DOCK3: variants seen among roughly 807,000 people sequenced by gnomAD.
DOCK3 encodes the protein dedicator of cytokinesis protein 3.
DOCK3 carries 60 observed loss-of-function variants against 265.6 expected under a neutral mutation model. The ratio of observed to expected loss-of-function variants is 0.23; its 90% CI spans 0.18 to 0.28. The LOEUF (loss-of-function observed/expected upper bound fraction) is 0.28, where lower values mean the gene tolerates loss of function less well. Ranked by LOEUF, DOCK3 falls within the 10% of genes least tolerant of loss-of-function variation. The probability of loss-of-function intolerance (pLI) is 1.00; values close to 1 mark genes in which losing one functional copy is unlikely to be tolerated. For synonymous variants in DOCK3, 881 were observed against 938.0 expected, an observed-to-expected ratio of 0.94 and a Z score of 1.11; for missense variants, 1,981 against 2,594.3, an observed-to-expected ratio of 0.76 and a Z score of 5.14.
At chr3:51,229,693 AC>A in intron 19 of DOCK3, 84 bp downstream of exon 19, 1 of 969,302 alleles carries the variant, frequency 1.0e-6, no homozygotes, top group South Asian at 3.2e-5. Context: ...TTTGCCAATA[AC>A]CGTCTGAGAC....
At chr3:50,682,134 T>C (rs1487034562) in intron 1 of DOCK3, among the ~76,000 whole-genome samples, 1 of 152,226 alleles carries the variant, frequency 6.6e-6, no homozygotes. Flanking sequence ...ATAATATGGT[T>C]TAAGGCCCCA....
intron 32 of DOCK3, among the ~76,000 whole-genome samples, chr3:51,324,730 T>C (rs1442757593): frequency 1.3e-5 from 2 of 152,158 alleles, no homozygotes; most frequent in East Asian, 3.9e-4. Context: ...TATAGACCAA[T>C]GGAACCAAAC....
chr3:50,788,903 A>G (rs1441088382), intron 2 of DOCK3, among the ~76,000 whole-genome samples: 2 of 151,826 alleles, frequency 1.3e-5, no homozygotes, highest in Non-Finnish European at 2.9e-5. Context: ...ACCCCCCTTT[A>G]TTATCTTTTC....
chr3:51,127,155 A>G (rs910379005), intron 9 of DOCK3, among the ~76,000 whole-genome samples: 6 of 151,932 alleles, frequency 3.9e-5, no homozygotes, highest in African/African-American at 1.2e-4. Flanking sequence ...CTCTTTTCAC[A>G]TTTTCTTGCT....
chr3:51,340,344 A>G (rs1187992833), intron 37 of DOCK3, among the ~76,000 whole-genome samples: 2 of 152,184 alleles, frequency 1.3e-5, no homozygotes, highest in Non-Finnish European at 2.9e-5. Flanking sequence ...GCTTGTCCCT[A>G]GAGAGAAAAG....
rs757850481 is a variant in DOCK3 at position 51,277,732 on chromosome 3, C to T, written c.2801C>T (p.Pro934Leu). 3.7e-6 allele frequency: 6 copies of T among 1,611,590 alleles called. No individual in the cohort carries two copies. Among genetic ancestry groups the T allele is most frequent in the African/African-American group, 1.3e-5 (1 of 74,880 alleles). Residue 934 changes from proline (P) to leucine (L), a missense_variant, in exon 26 of 53, where the codon CCG (proline) becomes CTG (leucine). By Grantham distance (98) the Pro-to-Leu change is moderately conservative. Coordinates refer to ENST00000266037, the MANE Select transcript of DOCK3 (RefSeq NM_004947.5). ...GAGGCGGTAAGAGGGCAGCGGTGCC[C>T]GCAGTGCACAGCCGAGATCACTGTT... The part of the protein sequence containing the change: ...AQEAVRGQRC[P>L]QCTAEITGEY...
chr3:50,911,153 T>C (rs2049832537), intron 4 of DOCK3, among the ~76,000 whole-genome samples: 2 of 152,122 alleles, frequency 1.3e-5, no homozygotes. Context: ...TGCAGAAGCT[T>C]TTTAGCTTGT....
chr3:50,881,240 C>A (rs1268187318), intron 3 of DOCK3: 1 of 152,200 alleles, frequency 6.6e-6, no homozygotes, highest in African/African-American at 2.4e-5. Flanking sequence ...CCCTCTCTCA[C>A]CACTCCTATT....
chr3:50,946,940 A>G (rs184946476), intron 5 of DOCK3, among the ~76,000 whole-genome samples: 12 of 152,298 alleles, frequency 7.9e-5, no homozygotes, highest in Middle Eastern at 3.4e-3. Context: ...TTGTACAGTC[A>G]CTGTAAAAAT....
chr3:50,896,243 A>G (rs1462302804), intron 4 of DOCK3, among the ~76,000 whole-genome samples: 1 of 152,196 alleles, frequency 6.6e-6, no homozygotes, highest in Non-Finnish European at 1.5e-5. Context: ...TATTTCTCTA[A>G]TGATCAGTGA....
At chr3:51,045,552 G>A (rs1479416062) in intron 5 of DOCK3, among the ~76,000 whole-genome samples, 1 of 152,150 alleles carries the variant, frequency 6.6e-6, no homozygotes, top group African/African-American at 2.4e-5. Context: ...TTGGCACAGG[G>A]TTGCCTAGTT....
intron 32 of DOCK3, among the ~76,000 whole-genome samples, chr3:51,323,201 T>C (rs1466939649): frequency 2.0e-5 from 3 of 152,136 alleles, no homozygotes; most frequent in Non-Finnish European, 4.4e-5. Context: ...CCCAGAATCA[T>C]AAAGCAAATT....
At chr3:50,874,863 A>G (rs66472954) in intron 3 of DOCK3, among the ~76,000 whole-genome samples, 15,075 of 152,142 alleles carry the variant, frequency 0.099, 924 homozygotes, top group Non-Finnish European at 0.13. Flanking sequence ...TTCTCTAAAT[A>G]TAAGATCATT....
At chr3:50,833,337 A>G (rs2107145736) in intron 2 of DOCK3, among the ~76,000 whole-genome samples, 1 of 152,316 alleles carries the variant, frequency 6.6e-6, no homozygotes, top group Admixed American at 6.5e-5. Flanking sequence ...TTTACTAAAG[A>G]CAAATCATAA....
chr3:51,049,042 G>A (rs2080887245), intron 5 of DOCK3, among the ~76,000 whole-genome samples: 1 of 152,130 alleles, frequency 6.6e-6, no homozygotes. Context: ...AAAGGTTACT[G>A]TAGGCTAGGC....
intron 27 of DOCK3, among the ~76,000 whole-genome samples, chr3:51,299,843 G>C (rs2082283298): frequency 1.3e-5 from 2 of 152,166 alleles, no homozygotes; most frequent in African/African-American, 4.8e-5. Flanking sequence ...AAGTCAGGTA[G>C]TGTGATGCAT....
chr3:50,695,774 G>A (rs1176126358), intron 1 of DOCK3, among the ~76,000 whole-genome samples: 2 of 152,092 alleles, frequency 1.3e-5, no homozygotes, highest in Non-Finnish European at 2.9e-5. Context: ...GCTCTACTTC[G>A]GATCCCACTT....
intron 9 of DOCK3, 35 bp from the exon 10 acceptor site, chr3:51,146,510 TACTC>T (rs2085310942): frequency 3.9e-6 from 6 of 1,550,306 alleles, no homozygotes; most frequent in Non-Finnish European, 5.3e-6. Flanking sequence ...TGGAGTGTGT[TACTC>T]ACATTTCTCT....
chr3:51,097,138 T>C (rs2082890537), intron 9 of DOCK3, among the ~76,000 whole-genome samples: 1 of 152,186 alleles, frequency 6.6e-6, no homozygotes, highest in Admixed American at 6.5e-5. Flanking sequence ...AAGCGCTGTG[T>C]TGGGAGATCC....
Sources: allele counts gnomAD v4.1 joint callset (sites outside exome capture counted in the v4.1 genomes callset), GRCh38; gene constraint gnomAD v4.1.1; transcripts MANE v1.5; gene names NCBI Gene and HGNC (gene_info 2026-07-23, HGNC 2026-07-21).